Variants in ESRP1 observed in about 807,000 individuals in gnomAD.
ESRP1 encodes RNA-binding motif protein 35A.
A neutral mutation model predicts 81.7 loss-of-function variants in ESRP1; 33 were observed. The observed-to-expected ratio is 0.40, with a 90% CI of 0.31 to 0.54. ESRP1 has a LOEUF of 0.54. Ranked by LOEUF, ESRP1 falls within the 20% of genes least tolerant of loss-of-function variation. ESRP1 has a pLI of 0.41. For missense variants in ESRP1, 672 were observed against 833.1 expected (o/e 0.81, Z 2.38); for synonymous variants, 320 against 303.3 (o/e 1.06, Z -0.57).
chr8:94,643,809 A>C lies in ESRP1; in HGVS notation c.375+393A>C, dbSNP rs1281926175. 3.3e-5 allele frequency among the ~76,000 whole-genome samples: 5 copies of C among 152,226 alleles called. No individual in the cohort carries two copies. In the East Asian group the frequency reaches 9.6e-4, roughly 29 times the overall value. On this transcript the variant is annotated intron_variant, in intron 3 of 15. Transcript: ENST00000433389. ...ATTTTTGACATTTAAAATAACTACA[A>C]AGAGAGGAAAGAACTATTCTTTAGT...
At chr8:94,679,870 A>T (rs545024614) in intron 13 of ESRP1, among the ~76,000 whole-genome samples, 2 of 152,028 alleles carry the variant, frequency 1.3e-5, no homozygotes, top group Non-Finnish European at 2.9e-5. Context: ...TCTTTTTTTT[A>T]AAACTTGAAA....
intron 13 of ESRP1, among the ~76,000 whole-genome samples, chr8:94,682,930 A>ATATTTT (rs1393468042): frequency 3.5e-5 from 1 of 28,762 alleles, no homozygotes; most frequent in African/African-American, 2.6e-4. Flanking sequence ...ATATATATAT[A>ATATTTT]TATTTTTTTT....
rs539062763 is a variant in ESRP1 at position 94,676,679 on chromosome 8, T to C, written c.1652-1524T>C. On this transcript the variant is annotated intron_variant, in intron 12 of 15. Transcript: ENST00000433389. ...CATGCCCAGCTAATTTTTTGTATTT[T>C]AGTAGAGATGGGGTCTCACCATGTT... 1.1e-4 allele frequency among the ~76,000 whole-genome samples: 16 copies of C among 151,822 alleles called. No homozygotes were observed. The South Asian group carries it at 1.3e-3, about 12-fold the overall frequency.
At chr8:94,641,683 G>A in intron 1 of ESRP1, 1 of 729,498 alleles carries the variant, frequency 1.4e-6, no homozygotes, top group Non-Finnish European at 2.1e-6. Flanking sequence ...GCGCTACCGA[G>A]CCGGGTTCTT....
intron 14 of ESRP1, among the ~76,000 whole-genome samples, chr8:94,694,342 C>CA (rs1326176472): frequency 6.6e-6 from 1 of 152,138 alleles, no homozygotes; most frequent in African/African-American, 2.4e-5. Context: ...CATGGTGGCT[C>CA]ACGCCTGTAA....
At chr8:94,703,114 T>TTG (rs1809909605) in intron 15 of ESRP1, among the ~76,000 whole-genome samples, 1 of 150,948 alleles carries the variant, frequency 6.6e-6, no homozygotes, top group African/African-American at 2.4e-5. Context: ...GATTGTTTTT[T>TTG]TTTTTTTTTT....
intron 12 of ESRP1, among the ~76,000 whole-genome samples, chr8:94,676,791 C>T (rs1808660158): frequency 1.3e-5 from 2 of 151,858 alleles, no homozygotes; most frequent in South Asian, 4.2e-4. Context: ...AGCCACCACA[C>T]CCAGCCATGT....
intron 13 of ESRP1, among the ~76,000 whole-genome samples, chr8:94,687,556 T>C (rs931747984): frequency 2.0e-5 from 3 of 152,222 alleles, no homozygotes; most frequent in Non-Finnish European, 4.4e-5. Context: ...ACTAACAATA[T>C]ATAAAGGTTC....
chr8:94,671,303 A>G (rs1819310234), intron 10 of ESRP1, 150 bp from the exon 11 acceptor site: 1 of 583,968 alleles, frequency 1.7e-6, no homozygotes, highest in Admixed American at 3.5e-5. Context: ...TCACTTGAAG[A>G]TTCAGTTCAG....
chr8:94,651,743 G>C (rs1429372754), intron 4 of ESRP1, among the ~76,000 whole-genome samples: 1 of 151,766 alleles, frequency 6.6e-6, no homozygotes, highest in African/African-American at 2.4e-5. Context: ...CAGCCTCCCA[G>C]GTAGCTGGGA....
chr8:94,698,007 T>C (rs1270782768), intron 15 of ESRP1, among the ~76,000 whole-genome samples: 1 of 152,168 alleles, frequency 6.6e-6, no homozygotes, highest in Non-Finnish European at 1.5e-5. Flanking sequence ...GGTCTTGAAC[T>C]CCTGACCCTG....
intron 10 of ESRP1, among the ~76,000 whole-genome samples, chr8:94,669,504 T>G (rs969783602): frequency 6.6e-6 from 1 of 152,202 alleles, no homozygotes; most frequent in African/African-American, 2.4e-5. Context: ...ATTGAAATTC[T>G]AAATTATTTT....
At chr8:94,659,655 C>T (rs1275297463) in intron 4 of ESRP1, among the ~76,000 whole-genome samples, 3 of 152,192 alleles carry the variant, frequency 2.0e-5, no homozygotes, top group Non-Finnish European at 4.4e-5. Context: ...AGGCCTTATG[C>T]ACCAAATGAT....
chr8:94,653,347 G>A (rs548391053), intron 4 of ESRP1, among the ~76,000 whole-genome samples: 23 of 152,224 alleles, frequency 1.5e-4, no homozygotes, highest in Non-Finnish European at 3.2e-4. Flanking sequence ...AACACTGGGG[G>A]CAACTTATTT....
intron 13 of ESRP1, among the ~76,000 whole-genome samples, chr8:94,688,057 G>T (rs1339095343): frequency 2.0e-5 from 3 of 152,106 alleles, no homozygotes; most frequent in South Asian, 2.1e-4. Context: ...TTTTTGTATG[G>T]TGTGAGGTAG....
At chr8:94,666,972 G>A (rs1332322446) in intron 9 of ESRP1, among the ~76,000 whole-genome samples, 2 of 152,106 alleles carry the variant, frequency 1.3e-5, no homozygotes, top group Non-Finnish European at 2.9e-5. Context: ...GAAGGCCAAG[G>A]CAGGCGGATC....
chr8:94,650,258 G>GT (rs1157667732), intron 4 of ESRP1, among the ~76,000 whole-genome samples: 3 of 80,212 alleles, frequency 3.7e-5, no homozygotes, highest in Non-Finnish European at 1.1e-4. Flanking sequence ...TTTTTTGTTT[G>GT]TTTTGTTTTT....
At chr8:94,690,276 ATTTTTTTTTTTTTTTT>A (rs373440584) in intron 13 of ESRP1, among the ~76,000 whole-genome samples, 6 of 61,338 alleles carry the variant, frequency 9.8e-5, no homozygotes, top group African/African-American at 2.7e-4. Flanking sequence ...TGCCTGGCTA[ATTTTTTTTTTTTTTTT>A]TTTTTTTTTT....
At chr8:94,701,539 A>C (rs1809840191) in intron 15 of ESRP1, among the ~76,000 whole-genome samples, 1 of 152,174 alleles carries the variant, frequency 6.6e-6, no homozygotes, top group African/African-American at 2.4e-5. Context: ...TCAGATCGCC[A>C]GAAAGGGTGT....
Sources: gnomAD v4.1 joint callset for allele counts (sites outside exome capture counted in the v4.1 genomes callset) on GRCh38, gnomAD v4.1.1 for gene constraint, MANE v1.5 for transcripts, NCBI Gene and HGNC (gene_info 2026-07-23, HGNC 2026-07-21) for gene names.